TMTC1: variants seen among roughly 807,000 people sequenced by gnomAD.
TMTC1 encodes the protein transmembrane O-mannosyltransferase targeting cadherins 1.
A neutral mutation model predicts 104.8 loss-of-function variants in TMTC1; 73 were observed. The observed-to-expected ratio is 0.70, with a 90% confidence interval of 0.58 to 0.85. TMTC1 has a LOEUF of 0.85. Ranked by LOEUF, TMTC1 falls within the 40% of genes least tolerant of loss-of-function variation. TMTC1 has a pLI of 0.00. For missense variants in TMTC1, 1,035 were observed against 1,096.1 expected (o/e 0.94, Z 0.79); for synonymous variants, 434 against 428.7 (o/e 1.01, Z -0.15).
chr12:29,744,507 C>G (rs1424831629), intron 5 of TMTC1, among the ~76,000 whole-genome samples: 1 of 152,180 alleles, frequency 6.6e-6, no homozygotes, highest in Non-Finnish European at 1.5e-5. Flanking sequence ...TTGAATGAAG[C>G]CAATAAGCAC....
intron 3 of TMTC1, among the ~76,000 whole-genome samples, chr12:29,756,517 T>C (rs1437273826): frequency 1.3e-5 from 2 of 152,242 alleles, no homozygotes; most frequent in African/African-American, 4.8e-5. Context: ...AACCTTTTTT[T>C]CTTTTGGCTA....
intron 7 of TMTC1, among the ~76,000 whole-genome samples, chr12:29,603,254 T>C (rs1267004558): frequency 6.6e-6 from 1 of 152,194 alleles, no homozygotes; most frequent in Non-Finnish European, 1.5e-5. Flanking sequence ...TCAAAGATTA[T>C]GAAATTCACT....
At chr12:29,652,128 CA>C (rs200770761) in intron 5 of TMTC1, among the ~76,000 whole-genome samples, 1 of 151,482 alleles carries the variant, frequency 6.6e-6, no homozygotes, top group East Asian at 1.9e-4. Context: ...TTGGTTGGCA[CA>C]AAAAAAGGAA....
chr12:29,641,295 T>C (rs567660946), intron 5 of TMTC1: 1 of 152,254 alleles, frequency 6.6e-6, no homozygotes, highest in Non-Finnish European at 1.5e-5. Flanking sequence ...AGCACAAAAA[T>C]AGAGCATTAA....
chr12:29,532,010 G>A (rs1047084694), intron 11 of TMTC1, among the ~76,000 whole-genome samples: 7 of 152,000 alleles, frequency 4.6e-5, no homozygotes, highest in Non-Finnish European at 8.8e-5. Flanking sequence ...CACCATGAGC[G>A]GCCACTTAAT....
At chr12:29,782,170 T>TTA (rs1376887264) in intron 1 of TMTC1, among the ~76,000 whole-genome samples, 1 of 152,252 alleles carries the variant, frequency 6.6e-6, no homozygotes, top group Non-Finnish European at 1.5e-5. Context: ...TTAGCCAAGG[T>TTA]TATCTTTCAG....
At chr12:29,545,187 G>A (rs960274167) in intron 10 of TMTC1, among the ~76,000 whole-genome samples, 4 of 151,830 alleles carry the variant, frequency 2.6e-5, no homozygotes, top group Admixed American at 1.3e-4. Context: ...TACAATGCAA[G>A]TACTTCCTCT....
intron 6 of TMTC1, among the ~76,000 whole-genome samples, chr12:29,614,660 A>G (rs1014166101): frequency 5.3e-5 from 8 of 152,200 alleles, no homozygotes; most frequent in African/African-American, 1.9e-4. Context: ...GATTTTCACC[A>G]AAGCACAACA....
At chr12:29,777,796 T>A (rs1023221696) in intron 1 of TMTC1, among the ~76,000 whole-genome samples, 5 of 152,298 alleles carry the variant, frequency 3.3e-5, no homozygotes, top group Middle Eastern at 3.4e-3. Context: ...GACAATCTAG[T>A]CAAACATCCT....
intron 7 of TMTC1, 41 bp downstream of exon 7, chr12:29,604,137 G>A: frequency 6.2e-7 from 1 of 1,610,220 alleles, no homozygotes. Flanking sequence ...GTTGGTGACA[G>A]AGGGCAGGTC....
chr12:29,558,851 G>A (rs1565670670), intron 9 of TMTC1, among the ~76,000 whole-genome samples: 1 of 152,180 alleles, frequency 6.6e-6, no homozygotes, highest in Non-Finnish European at 1.5e-5. Context: ...GCTATGATGA[G>A]GGCAAAATAT....
chr12:29,754,028 A>G (rs1334071392), intron 4 of TMTC1, among the ~76,000 whole-genome samples: 1 of 152,048 alleles, frequency 6.6e-6, no homozygotes, highest in Admixed American at 6.6e-5. Context: ...CACCATGCCC[A>G]GCTAATTTTT....
chr12:29,660,906 A>C lies in TMTC1; in HGVS notation c.939-27570T>G, dbSNP rs1939991073. On this transcript the variant is annotated intron_variant, in intron 5 of 17. Coordinates refer to ENST00000539277, the MANE Select transcript of TMTC1 (RefSeq NM_001193451.2). ...GATACCTAAAACGGGAAAGAAAAAA[A>C]ATCTTAGATAAGTGTGTCTACCAGA... 3 of 1,438,484 alleles carry C rather than the reference A, an allele frequency of 2.1e-6. No homozygotes were observed. In the African/African-American group the frequency reaches 4.3e-5, roughly 21 times the overall value. The allele number at this position is 1,438,484 out of a possible 1,614,324, so 89.1% of individuals were successfully genotyped here.
chr12:29,668,166 C>A (rs954683577), intron 5 of TMTC1, among the ~76,000 whole-genome samples: 2 of 152,224 alleles, frequency 1.3e-5, no homozygotes, highest in South Asian at 2.1e-4. Context: ...ATACCACAGA[C>A]TGAGTAACTT....
intron 5 of TMTC1, among the ~76,000 whole-genome samples, chr12:29,644,678 C>G (rs1161972372): frequency 6.6e-6 from 1 of 152,138 alleles, no homozygotes; most frequent in Non-Finnish European, 1.5e-5. Flanking sequence ...TTAGCATTTG[C>G]TCCACCTCCA....
chr12:29,737,158 A>G (rs1393159826), intron 5 of TMTC1, among the ~76,000 whole-genome samples: 2 of 152,242 alleles, frequency 1.3e-5, no homozygotes, highest in Admixed American at 6.5e-5. Flanking sequence ...GAACAGAGAC[A>G]TCCTATTTCT....
intron 1 of TMTC1, among the ~76,000 whole-genome samples, chr12:29,775,244 G>C (rs1449086754): frequency 6.6e-6 from 1 of 152,008 alleles, no homozygotes; most frequent in Admixed American, 6.5e-5. Flanking sequence ...TGTGTGTTTG[G>C]TGTTTGGTGG....
intron 4 of TMTC1, among the ~76,000 whole-genome samples, chr12:29,753,260 C>A (rs748500627): frequency 5.3e-5 from 8 of 152,154 alleles, no homozygotes; most frequent in African/African-American, 1.9e-4. Flanking sequence ...TATGTGCATT[C>A]CTCTGGGGAC....
At chr12:29,666,228 C>CTTTTTTTTTTT (rs751968439) in intron 5 of TMTC1, 10 of 366,302 alleles carry the variant, frequency 2.7e-5, no homozygotes, top group East Asian at 1.6e-4. Context: ...TTTCTTTTTT[C>CTTTTTTTTTTT]TTTTTTTTTT....
Sources: gnomAD v4.1 joint callset for allele counts (sites outside exome capture counted in the v4.1 genomes callset) on GRCh38, gnomAD v4.1.1 for gene constraint, MANE v1.5 for transcripts, NCBI Gene and HGNC (gene_info 2026-07-23, HGNC 2026-07-21) for gene names.